Variants in CSMD3 observed in about 807,000 individuals in gnomAD.
CSMD3 encodes the protein CUB and Sushi multiple domains 3.
CSMD3 carries 177 observed loss-of-function variants against 435.2 expected under a neutral mutation model. The ratio of observed to expected loss-of-function variants is 0.41; its 90% CI spans 0.36 to 0.46. CSMD3 has a LOEUF of 0.46. CSMD3 is among the 20% of genes least tolerant of loss of function. The probability of loss-of-function intolerance (pLI) is 0.34; values close to 1 mark genes in which losing one functional copy is unlikely to be tolerated. For missense variants in CSMD3, 4,265 were observed against 4,504.6 expected, an observed-to-expected ratio of 0.95 and a Z score of 1.52; for synonymous variants, 1,656 against 1,520.5, an observed-to-expected ratio of 1.09 and a Z score of -2.07.
intron 16 of CSMD3, among the ~76,000 whole-genome samples, chr8:112,670,192 C>T (rs2075624250): frequency 6.6e-6 from 1 of 151,992 alleles, no homozygotes; most frequent in Admixed American, 6.6e-5. Flanking sequence ...TCAAGAAGCA[C>T]CAACAGAAAA....
chr8:112,255,717 C>G lies in CSMD3; in HGVS notation c.9863-290G>C, dbSNP rs532320201. 4.3e-4 allele frequency: 165 copies of G among 384,024 alleles called. 1 individual carries two copies. Among genetic ancestry groups the G allele is most frequent in the Non-Finnish European group, 7.3e-4 (154 of 210,270 alleles). 23.8% of individuals were successfully genotyped at this position (384,024 alleles called of 1,614,324 possible). ...TTTGTCGTTTTGTATTGACCAAAAT[C>G]AAACCACATATTTGGACTTGTTGGC... On this transcript the variant is annotated intron_variant, in intron 61 of 70. Coordinates refer to ENST00000297405, the MANE Select transcript of CSMD3 (RefSeq NM_198123.2).
At chr8:113,237,398 C>G (rs903873025) in intron 3 of CSMD3, among the ~76,000 whole-genome samples, 6 of 152,150 alleles carry the variant, frequency 3.9e-5, no homozygotes, top group African/African-American at 1.2e-4. Flanking sequence ...GTATAATGCT[C>G]TGAAATTGGT....
intron 35 of CSMD3, among the ~76,000 whole-genome samples, chr8:112,397,373 A>T (rs990283048): frequency 6.6e-6 from 1 of 152,202 alleles, no homozygotes; most frequent in Non-Finnish European, 1.5e-5. Context: ...TATTTTTAAA[A>T]CGGTATAAGG....
In CSMD3 at chr8:112,587,265, G is replaced by GTT. The variant is rs769788411; in HGVS notation, c.3716-32_3716-31dup. On this transcript the variant is annotated intron_variant, in intron 22 of 70. Coordinates refer to ENST00000297405, the MANE Select transcript of CSMD3 (RefSeq NM_198123.2). ...AGGTAAAACAGAATATTGAAGTACA[G>GTT]TTTAATAGATAGCAGTATCATTTTC... The GTT allele has an allele frequency of 4.1e-5, 62 of 1,504,684 alleles. No individual in the cohort carries two copies. In the Admixed American group the frequency reaches 6.5e-4, roughly 16 times the overall value. The allele number at this position is 1,504,684 out of a possible 1,614,324, so 93.2% of individuals were successfully genotyped here.
intron 11 of CSMD3, among the ~76,000 whole-genome samples, chr8:112,845,220 T>G (rs113296604): frequency 0.019 from 2,936 of 152,178 alleles, 53 homozygotes; most frequent in Middle Eastern, 0.048. Flanking sequence ...AGTTACTTCA[T>G]TAGATATTAA....
chr8:112,488,877 C>A (rs1478168462), intron 31 of CSMD3, among the ~76,000 whole-genome samples: 2 of 151,794 alleles, frequency 1.3e-5, no homozygotes, highest in Non-Finnish European at 2.9e-5. Context: ...TTGGGAGGGG[C>A]CATCATAGCA....
At chr8:112,921,315 A>C (rs774703350) in intron 10 of CSMD3, among the ~76,000 whole-genome samples, 7 of 151,954 alleles carry the variant, frequency 4.6e-5, no homozygotes, top group Admixed American at 1.3e-4. Context: ...TACGGCTTTA[A>C]AATATCTGTA....
At chr8:112,336,871 C>T (rs532187322) in intron 43 of CSMD3, 42 bp from the exon 44 acceptor site, 72 of 1,502,262 alleles carry the variant, frequency 4.8e-5, no homozygotes, top group Non-Finnish European at 5.9e-5. Context: ...TTTAAAATAA[C>T]AATAAACTGA....
chr8:112,435,777 G>T (rs1486241390), intron 32 of CSMD3, among the ~76,000 whole-genome samples: 1 of 151,946 alleles, frequency 6.6e-6, no homozygotes, highest in Non-Finnish European at 1.5e-5. Flanking sequence ...AACTGTGTCT[G>T]ATATACTATG....
At position 112,710,926 on chromosome 8, in the gene CSMD3, C is replaced by T. The variant is rs1253456586; in HGVS notation, c.1973-20876G>A. Among the ~76,000 whole-genome samples, 3 of 151,680 alleles carry T rather than the reference C, an allele frequency of 2.0e-5. No individual in the cohort carries two copies. The Admixed American group carries it at 2.0e-4, about 10-fold the overall frequency. On this transcript the variant is annotated intron_variant, in intron 13 of 70. Coordinates refer to ENST00000297405, the MANE Select transcript of CSMD3 (RefSeq NM_198123.2). Reference sequence around the variant, plus strand: ...TTTGCTGCTCCAAGGATAAGAGACCCTGGGGCAGACCTGAATTAGATCCAC... The same window carrying T: ...TTTGCTGCTCCAAGGATAAGAGACCTTGGGGCAGACCTGAATTAGATCCAC...
At chr8:113,327,170 G>A (rs1179381988) in intron 1 of CSMD3, among the ~76,000 whole-genome samples, 1 of 152,082 alleles carries the variant, frequency 6.6e-6, no homozygotes, top group Non-Finnish European at 1.5e-5. Context: ...TTTTAATTGG[G>A]CAGCTGACAT....
chr8:112,682,764 GT>G, intron 15 of CSMD3, 128 bp from the exon 16 acceptor site: 1 of 727,972 alleles, frequency 1.4e-6, no homozygotes, highest in Non-Finnish European at 2.3e-6. Flanking sequence ...TTCTACACAA[GT>G]TTTTATTTAT....
At chr8:112,346,886 A>C (rs982151016) in intron 40 of CSMD3, among the ~76,000 whole-genome samples, 5 of 151,710 alleles carry the variant, frequency 3.3e-5, no homozygotes, top group Admixed American at 6.6e-5. Flanking sequence ...TCATTGTGTT[A>C]GCCAGGATGG....
chr8:113,063,229 G>C (rs2088696052), intron 5 of CSMD3, among the ~76,000 whole-genome samples: 1 of 150,570 alleles, frequency 6.6e-6, no homozygotes, highest in African/African-American at 2.4e-5. Context: ...ATTGAGATTA[G>C]AATTCAGGTT....
chr8:112,801,509 A>G (rs1443677354), intron 12 of CSMD3, among the ~76,000 whole-genome samples: 1 of 152,104 alleles, frequency 6.6e-6, no homozygotes, highest in Non-Finnish European at 1.5e-5. Context: ...CCAAGATACC[A>G]TAATGCATCA....
chr8:113,062,653 A>T (rs2088665481), intron 5 of CSMD3, among the ~76,000 whole-genome samples: 1 of 151,830 alleles, frequency 6.6e-6, no homozygotes, highest in Admixed American at 6.6e-5. Flanking sequence ...GGTCAAATGA[A>T]CCATATCATT....
intron 11 of CSMD3, among the ~76,000 whole-genome samples, chr8:112,830,430 T>A (rs2079835848): frequency 6.6e-6 from 1 of 152,188 alleles, no homozygotes; most frequent in African/African-American, 2.4e-5. Flanking sequence ...CTTGCTAAAA[T>A]ATACTCATGT....
chr8:112,604,664 A>G lies in CSMD3; in HGVS notation c.3716-17429T>C, dbSNP rs960916019. 3.9e-5 allele frequency among the ~76,000 whole-genome samples: 6 copies of G among 152,330 alleles called. No homozygotes were observed. In the South Asian group the frequency reaches 1.2e-3, roughly 32 times the overall value. On this transcript the variant is annotated intron_variant, in intron 22 of 70. Coordinates refer to ENST00000297405, the MANE Select transcript of CSMD3 (RefSeq NM_198123.2). ...CGGGATGGATTAAAGCCTTAAATGT[A>G]AAACCTAAAGCTATAAAAGTTCTGA... is the stretch of plus-strand genomic sequence containing the variant.
chr8:112,788,134 A>C (rs2078598660), intron 13 of CSMD3, among the ~76,000 whole-genome samples: 1 of 152,130 alleles, frequency 6.6e-6, no homozygotes, highest in African/African-American at 2.4e-5. Context: ...AGTCTCTTTC[A>C]GCTCCAATGT....
Sources: gnomAD v4.1 joint callset for allele counts (sites outside exome capture counted in the v4.1 genomes callset) on GRCh38, gnomAD v4.1.1 for gene constraint, MANE v1.5 for transcripts, NCBI Gene and HGNC (gene_info 2026-07-23, HGNC 2026-07-21) for gene names.